The following R3HDM1 variants were observed in gnomAD, a reference collection of about 807,000 sequenced individuals.
R3HDM1 encodes the protein R3H domain-containing protein 1.
Under a neutral mutation model 141.1 loss-of-function variants are expected in R3HDM1, and 46 were observed. The observed-to-expected ratio is 0.33, with a 90% CI of 0.26 to 0.42. The LOEUF (loss-of-function observed/expected upper bound fraction) is 0.42, where lower values mean the gene tolerates loss of function less well. Among genes scored for constraint, R3HDM1 ranks in the 10% least tolerant of loss-of-function variants. R3HDM1 has a pLI of 1.00. For missense variants in R3HDM1, 1,184 were observed against 1,368.3 expected (o/e 0.87, Z 2.12); for synonymous variants, 435 against 472.9 (o/e 0.92, Z 1.04).
chr2:135,597,216 T>C (rs1441475616), intron 1 of R3HDM1: 1 of 976,988 alleles, frequency 1.0e-6, no homozygotes, highest in African/African-American at 1.8e-5. Context: ...TGTTGGTAAG[T>C]GTCATCATTA....
In R3HDM1 at chr2:135,639,074, G is replaced by A; in HGVS notation, c.1171G>A (p.Gly391Ser). ...CAGTGGAATCTCAGTCCTGACAAGA[G>A]GTGATAGTTCTGGAAGCAGCAAAAG... ...SFSGISVLTR[G>S]DSSGSSKSIG... The change falls in exon 14 of 27, where the codon GGT becomes AGT. Residue 391 changes from glycine (G) to serine (S), a missense_variant. Gly to Ser is a moderately conservative substitution (Grantham distance 56). Coordinates refer to ENST00000683871, the MANE Select transcript of R3HDM1 (RefSeq NM_001378107.1). 6.2e-7 allele frequency: 1 copy of A among 1,614,146 alleles called. No homozygotes were observed. Among genetic ancestry groups the A allele is most frequent in the Non-Finnish European group, 8.5e-7 (1 of 1,180,018 alleles).
intron 24 of R3HDM1, 22 bp downstream of exon 24, chr2:135,715,716 C>T (rs2076095102): frequency 6.3e-7 from 1 of 1,598,610 alleles, no homozygotes; most frequent in African/African-American, 1.3e-5. Flanking sequence ...TGAAACTAGT[C>T]ACAACTTCAG....
At chr2:135,538,132 G>T (rs1366455879) in intron 1 of R3HDM1, among the ~76,000 whole-genome samples, 1 of 152,204 alleles carries the variant, frequency 6.6e-6, no homozygotes, top group Non-Finnish European at 1.5e-5. Flanking sequence ...TATATGATAT[G>T]TATGGCCTGT....
intron 1 of R3HDM1, chr2:135,586,468 T>C (rs1707939649): frequency 6.4e-6 from 1 of 155,406 alleles, no homozygotes; most frequent in African/African-American, 2.4e-5. Context: ...GAACATCTCC[T>C]TAACTCTGTA....
intron 21 of R3HDM1, among the ~76,000 whole-genome samples, chr2:135,690,505 CAATAAG>C (rs1336604371): frequency 1.3e-5 from 2 of 151,980 alleles, no homozygotes; most frequent in Non-Finnish European, 2.9e-5. Context: ...GTTTTTACAC[CAATAAG>C]AATATGTTTT....
In R3HDM1 at chr2:135,607,968, T is replaced by A. The variant is rs1574303499; in HGVS notation, c.171+2952T>A. The A allele has an allele frequency of 3.1e-6, 3 of 983,104 alleles. No homozygotes were observed. The East Asian group carries it at 3.4e-4, about 112-fold the overall frequency. 60.9% of individuals were successfully genotyped at this position (983,104 alleles called of 1,614,324 possible). ...GAAAAAGAGAATGTGAGAATTTATTTTATGTTAATCTGGTGAATGCCATAT... is the reference window on the plus strand; with the variant it reads ...GAAAAAGAGAATGTGAGAATTTATTATATGTTAATCTGGTGAATGCCATAT... On this transcript the variant is annotated intron_variant, in intron 3 of 26. Transcript: ENST00000683871.
At chr2:135,624,239 T>G (rs973029016) in intron 7 of R3HDM1, among the ~76,000 whole-genome samples, 5 of 151,654 alleles carry the variant, frequency 3.3e-5, no homozygotes, top group Non-Finnish European at 7.4e-5. Context: ...ACTAAAAATA[T>G]AAAAAATTAG....
At chr2:135,532,346 G>T (rs868494530) in intron 1 of R3HDM1, among the ~76,000 whole-genome samples, 101 of 152,246 alleles carry the variant, frequency 6.6e-4, no homozygotes, top group African/African-American at 2.0e-3. Context: ...ATCTTTGTGG[G>T]CTTTGAAGTT....
At chr2:135,654,645 C>T (rs1439748966) in intron 18 of R3HDM1, among the ~76,000 whole-genome samples, 1 of 152,014 alleles carries the variant, frequency 6.6e-6, no homozygotes, top group Admixed American at 6.6e-5. Context: ...GACGGGGTTT[C>T]ACCATGTTGG....
intron 1 of R3HDM1, among the ~76,000 whole-genome samples, chr2:135,538,838 T>C (rs1304385507): frequency 6.6e-6 from 1 of 152,216 alleles, no homozygotes; most frequent in Non-Finnish European, 1.5e-5. Flanking sequence ...GGTCTTGAAC[T>C]CCTGACCTCA....
intron 1 of R3HDM1, chr2:135,597,218 TC>T (rs2059265204): frequency 1.0e-6 from 1 of 977,614 alleles, no homozygotes; most frequent in Non-Finnish European, 1.2e-6. Flanking sequence ...TTGGTAAGTG[TC>T]ATCATTAACC....
chr2:135,542,951 G>A (rs1697934299), intron 1 of R3HDM1, among the ~76,000 whole-genome samples: 1 of 152,132 alleles, frequency 6.6e-6, no homozygotes, highest in African/African-American at 2.4e-5. Context: ...TGGCTAGGCT[G>A]GTCTCAAGCT....
At chr2:135,661,211 A>G (rs1156448869) in intron 18 of R3HDM1, 59 bp from the exon 19 acceptor site, 9 of 1,587,230 alleles carry the variant, frequency 5.7e-6, no homozygotes, top group Non-Finnish European at 7.8e-6. Context: ...TCTTCCTCAC[A>G]GAAAAACATA....
intron 7 of R3HDM1, among the ~76,000 whole-genome samples, chr2:135,630,293 A>AAAAAAAC (rs2062553355): frequency 6.9e-6 from 1 of 145,430 alleles, no homozygotes; most frequent in African/African-American, 2.7e-5. Flanking sequence ...AAAAAAAAAA[A>AAAAAAAC]AAAAAAAAAA....
In R3HDM1 at chr2:135,661,525, A is replaced by C. The variant is rs2066708827; in HGVS notation, c.2152+132A>C. ...TATGTTCATACATATGAGTTTGCAAACCAATGAGATTAAAAGAGTGAGCAA... is the reference window on the plus strand; with the variant it reads ...TATGTTCATACATATGAGTTTGCAACCCAATGAGATTAAAAGAGTGAGCAA... On this transcript the variant is annotated intron_variant, in intron 19 of 26. Coordinates refer to ENST00000683871, the MANE Select transcript of R3HDM1 (RefSeq NM_001378107.1). 3 of 1,163,954 alleles carry C rather than the reference A, an allele frequency of 2.6e-6. No individual in the cohort carries two copies. The South Asian group carries it at 4.7e-5, about 18-fold the overall frequency. The allele number at this position is 1,163,954 out of a possible 1,614,324, so 72.1% of individuals were successfully genotyped here. A position where few individuals can be genotyped will look rare whatever the true frequency, so the allele number is the denominator to read the frequency against.
At chr2:135,605,577 A>G (rs1020204419) in intron 3 of R3HDM1, 6 of 152,320 alleles carry the variant, frequency 3.9e-5, no homozygotes, top group African/African-American at 1.4e-4. Flanking sequence ...GATAGGTAAA[A>G]ATGGTCCCAA....
chr2:135,588,754 T>A (rs1708528650), intron 1 of R3HDM1, among the ~76,000 whole-genome samples: 1 of 152,110 alleles, frequency 6.6e-6, no homozygotes, highest in Non-Finnish European at 1.5e-5. Context: ...AGAAAGCAAT[T>A]TAAAATTTTT....
chr2:135,603,641 T>C (rs1327873658), intron 2 of R3HDM1, among the ~76,000 whole-genome samples: 1 of 152,228 alleles, frequency 6.6e-6, no homozygotes, highest in Admixed American at 6.5e-5. Flanking sequence ...AGAGCCTCAC[T>C]CTGTCACCCA....
intron 21 of R3HDM1, among the ~76,000 whole-genome samples, chr2:135,687,878 C>T (rs933756731): frequency 3.3e-5 from 5 of 152,146 alleles, no homozygotes; most frequent in African/African-American, 1.2e-4. Flanking sequence ...AAAAATAAAT[C>T]ACATTAATTT....
Sources: gnomAD v4.1 joint callset for allele counts (sites outside exome capture counted in the v4.1 genomes callset) on GRCh38, gnomAD v4.1.1 for gene constraint, MANE v1.5 for transcripts, NCBI Gene and HGNC (gene_info 2026-07-23, HGNC 2026-07-21) for gene names.